Variants in PTPRD observed in about 807,000 individuals in gnomAD.
The protein encoded by PTPRD is receptor-type tyrosine-protein phosphatase delta.
PTPRD carries 34 observed loss-of-function variants against 214.5 expected under a neutral mutation model. That is an observed-to-expected ratio of 0.16 (90% CI 0.12 to 0.21). The LOEUF (loss-of-function observed/expected upper bound fraction) is 0.21. Ranked by LOEUF, PTPRD falls within the 10% of genes least tolerant of loss-of-function variation. PTPRD has a pLI of 1.00. For synonymous variants in PTPRD, 1,128 were observed against 845.7 expected, an observed-to-expected ratio of 1.33 and a Z score of -5.79; for missense variants, 2,545 against 2,398.7, an observed-to-expected ratio of 1.06 and a Z score of -1.27.
At chr9:9,461,731 T>C (rs1054094250) in intron 8 of PTPRD, among the ~76,000 whole-genome samples, 2 of 152,100 alleles carry the variant, frequency 1.3e-5, no homozygotes, top group African/African-American at 4.8e-5. Flanking sequence ...TAGGAATTTA[T>C]GGGCCAGATT....
At chr9:9,021,241 A>G (rs1050701359) in intron 10 of PTPRD, among the ~76,000 whole-genome samples, 1 of 152,208 alleles carries the variant, frequency 6.6e-6, no homozygotes, top group African/African-American at 2.4e-5. Flanking sequence ...AATGGACTGC[A>G]TATATGACAG....
intron 5 of PTPRD, among the ~76,000 whole-genome samples, chr9:9,811,451 T>C (rs770347406): frequency 3.9e-5 from 6 of 152,134 alleles, no homozygotes; most frequent in Non-Finnish European, 7.4e-5. Context: ...CTCAGGCCTG[T>C]AATCCCAGCA....
chr9:9,504,722 G>T (rs536417603), intron 8 of PTPRD, among the ~76,000 whole-genome samples: 1 of 151,474 alleles, frequency 6.6e-6, no homozygotes, highest in Non-Finnish European at 1.5e-5. Context: ...ATCTCTATTT[G>T]TGAGATGACA....
At chr9:9,095,286 A>G (rs2099781887) in intron 10 of PTPRD, among the ~76,000 whole-genome samples, 1 of 152,194 alleles carries the variant, frequency 6.6e-6, no homozygotes, top group Non-Finnish European at 1.5e-5. Flanking sequence ...AATAAAAGGC[A>G]TATAAATAGA....
At chr9:8,940,431 T>C (rs1219771396) in intron 11 of PTPRD, among the ~76,000 whole-genome samples, 1 of 140,006 alleles carries the variant, frequency 7.1e-6, no homozygotes, top group East Asian at 2.3e-4. Flanking sequence ...TACAGGCTCC[T>C]ATCACCACTC....
At chr9:8,788,802 C>A (rs767928591) in intron 11 of PTPRD, among the ~76,000 whole-genome samples, 1 of 152,134 alleles carries the variant, frequency 6.6e-6, no homozygotes, top group African/African-American at 2.4e-5. Flanking sequence ...CATTTATCAA[C>A]CAACTGTTTA....
intron 12 of PTPRD, among the ~76,000 whole-genome samples, chr9:8,646,659 G>T (rs16928240): frequency 2.0e-5 from 3 of 151,978 alleles, no homozygotes; most frequent in Admixed American, 2.0e-4. Flanking sequence ...CCATCCTTTC[G>T]ACTCCCCTAT....
chr9:8,374,699 G>T (rs2082699035), intron 39 of PTPRD, among the ~76,000 whole-genome samples: 1 of 151,982 alleles, frequency 6.6e-6, no homozygotes, highest in Admixed American at 6.6e-5. Flanking sequence ...AAGCATAGGG[G>T]AGTGCTTTGA....
At chr9:9,363,850 T>C (rs2057055559) in intron 9 of PTPRD, among the ~76,000 whole-genome samples, 1 of 151,366 alleles carries the variant, frequency 6.6e-6, no homozygotes, top group African/African-American at 2.4e-5. Flanking sequence ...AAATAACTTT[T>C]TTGGTGTTGA....
At chr9:10,587,780 CCTCCACACTTTAGT>C (rs2074309582) in intron 2 of PTPRD, among the ~76,000 whole-genome samples, 3 of 151,934 alleles carry the variant, frequency 2.0e-5, no homozygotes, top group Admixed American at 1.3e-4. Flanking sequence ...TAGTCTATTC[CCTCCACACTTTAGT>C]CTAGTGAAGG....
At chr9:8,994,051 G>A (rs926887021) in intron 11 of PTPRD, among the ~76,000 whole-genome samples, 8 of 152,124 alleles carry the variant, frequency 5.3e-5, no homozygotes, top group African/African-American at 1.9e-4. Flanking sequence ...CACAATGTAG[G>A]ATTTAAGCAA....
intron 36 of PTPRD, among the ~76,000 whole-genome samples, chr9:8,393,694 C>T (rs1307586470): frequency 1.3e-5 from 2 of 152,026 alleles, no homozygotes; most frequent in Non-Finnish European, 2.9e-5. Flanking sequence ...GTTTCATGTG[C>T]ATTCTCTAAT....
intron 3 of PTPRD, among the ~76,000 whole-genome samples, chr9:10,112,163 C>T (rs867753013): frequency 6.6e-6 from 1 of 152,162 alleles, no homozygotes; most frequent in Non-Finnish European, 1.5e-5. Flanking sequence ...CAAGCAAATT[C>T]GCTTTTTGGA....
chr9:9,956,735 G>A (rs1392613196), intron 4 of PTPRD, among the ~76,000 whole-genome samples: 1 of 152,108 alleles, frequency 6.6e-6, no homozygotes, highest in African/African-American at 2.4e-5. Context: ...CCTAGTAATA[G>A]AGACAGATCA....
intron 4 of PTPRD, among the ~76,000 whole-genome samples, chr9:9,947,502 TTATATATATAA>T (rs2092858616): frequency 4.6e-5 from 1 of 21,936 alleles, no homozygotes; most frequent in Non-Finnish European, 7.1e-5. Flanking sequence ...TATATATATT[TTATATATATAA>T]TATATATATT....
intron 3 of PTPRD, among the ~76,000 whole-genome samples, chr9:10,273,374 T>A (rs1245110810): frequency 3.3e-5 from 5 of 152,090 alleles, no homozygotes; most frequent in African/African-American, 1.2e-4. Flanking sequence ...TCCAAGCCTA[T>A]AAGAAAATTG....
intron 11 of PTPRD, among the ~76,000 whole-genome samples, chr9:8,994,613 A>T (rs2099389572): frequency 6.6e-6 from 1 of 152,058 alleles, no homozygotes; most frequent in Non-Finnish European, 1.5e-5. Context: ...GAAGATCAGG[A>T]TAGATAAGAT....
At chr9:8,748,537 AAAAG>A (rs1447213626) in intron 11 of PTPRD, among the ~76,000 whole-genome samples, 11 of 117,244 alleles carry the variant, frequency 9.4e-5, no homozygotes, top group East Asian at 2.4e-4. Flanking sequence ...AAAAAAAAAA[AAAAG>A]AAAAAGAAAA....
intron 9 of PTPRD, among the ~76,000 whole-genome samples, chr9:9,260,888 G>A (rs893148220): frequency 6.6e-6 from 1 of 151,764 alleles, no homozygotes; most frequent in African/African-American, 2.4e-5. Flanking sequence ...TGACTTTACT[G>A]CTCCATCCTG....
Sources: gnomAD v4.1 joint callset for allele counts (sites outside exome capture counted in the v4.1 genomes callset) on GRCh38, gnomAD v4.1.1 for gene constraint, MANE v1.5 for transcripts, NCBI Gene and HGNC (gene_info 2026-07-23, HGNC 2026-07-21) for gene names.